NRAP: variants seen among roughly 807,000 people sequenced by gnomAD.
NRAP encodes the protein nebulin related anchoring protein, also known as nebulin-related-anchoring protein.
Under a neutral mutation model 225.9 loss-of-function variants are expected in NRAP, and 189 were observed. The ratio of observed to expected loss-of-function variants is 0.84; its 90% CI spans 0.74 to 0.94. The LOEUF (loss-of-function observed/expected upper bound fraction) is 0.94, where lower values mean the gene tolerates loss of function less well. Ranked by LOEUF, NRAP falls within the 40% of genes least tolerant of loss-of-function variation. NRAP has a pLI of 0.00. For synonymous variants in NRAP, 769 were observed against 790.7 expected (o/e 0.97, Z 0.46); for missense variants, 2,176 against 2,168.7 (o/e 1.00, Z -0.07).
At chr10:113,620,545 A>G (rs1285645345) in intron 25 of NRAP, 59 bp downstream of exon 25, 11 of 1,119,234 alleles carry the variant, frequency 9.8e-6, no homozygotes, top group South Asian at 2.5e-5. Context: ...TTAATTTTAT[A>G]CAGAGACGCC....
At position 113,620,516 on chromosome 10, in the gene NRAP, CT is replaced by C. The variant is rs367921373; in HGVS notation, c.2874+87del. ...CATGTGGCTTTGCCTTTTTCTTTGC[CT>C]TTTGAGTGGAAATTATTTTAATTTT... On this transcript the variant is annotated intron_variant, in intron 25 of 41. Transcript: ENST00000359988. The C allele has an allele frequency of 5.7e-5, 56 of 974,750 alleles. No homozygotes were observed. In the African/African-American group the frequency reaches 8.6e-4, roughly 15 times the overall value. The allele number at this position is 974,750 out of a possible 1,614,324, so 60.4% of individuals were successfully genotyped here.
chr10:113,642,878 C>T (rs1417538955), intron 12 of NRAP, 56 bp downstream of exon 12: 1 of 915,950 alleles, frequency 1.1e-6, no homozygotes, highest in African/African-American at 1.6e-5. Context: ...CTTAGGAGAC[C>T]TAAAGACTAA....
In NRAP at chr10:113,606,210, G is replaced by A. The variant is rs758588324; in HGVS notation, c.3775C>T (p.Arg1259Ter). Residue 1259 changes from arginine to a stop codon, truncating the protein, a stop_gained, in exon 33 of 42, where the codon CGA becomes TGA. Transcript: ENST00000359988. LOFTEE classifies it high-confidence loss of function. ...AGGTTGGCTGCATTCGTTTTTGCTC[G>A]GATGAACTCGGGCAGACCCAGGGTC... Reference protein sequence around the residue: ...TMTLGLPEFIRAKTNAANLSD... With the variant: ...TMTLGLPEFI The A allele has an allele frequency of 6.2e-6, 10 of 1,613,854 alleles. No homozygotes were observed. The highest frequency in any genetic ancestry group is 1.6e-4 in the Middle Eastern group (1 of 6,084).
At chr10:113,628,327 A>G (rs2134017116) in intron 20 of NRAP, among the ~76,000 whole-genome samples, 1 of 152,274 alleles carries the variant, frequency 6.6e-6, no homozygotes, top group South Asian at 2.1e-4. Context: ...AGCTGGGATT[A>G]CAGGCACGTG....
At chr10:113,629,810 G>C in intron 18 of NRAP, 25 bp from the exon 19 acceptor site, 1 of 1,516,412 alleles carries the variant, frequency 6.6e-7, no homozygotes, top group Non-Finnish European at 9.2e-7. Flanking sequence ...AACAAGGCCC[G>C]TTTTGTTAGT....
intron 11 of NRAP, among the ~76,000 whole-genome samples, chr10:113,645,618 T>G (rs1201764301): frequency 6.6e-6 from 1 of 152,174 alleles, no homozygotes; most frequent in Non-Finnish European, 1.5e-5. Flanking sequence ...GGTTTCTCCA[T>G]GTTAGTCAGG....
In NRAP at chr10:113,626,136, G is replaced by T; in HGVS notation, c.2155C>A (p.Arg719=). The change falls in exon 21 of 42, where the codon CGG becomes AGG. Residue 719 remains arginine (R), a synonymous_variant. Transcript: ENST00000359988. ...AGQLVSEKNY[R]QRVDELKFTS... is the part of the protein sequence containing the mutation. Reference sequence around the variant, plus strand: ...AACTTCAGCTCATCGACCCTCTGCCGGTAGTTTTTCTGTTTCCAAAGGAAA... The same window carrying T: ...AACTTCAGCTCATCGACCCTCTGCCTGTAGTTTTTCTGTTTCCAAAGGAAA... The T allele has an allele frequency of 1.2e-6, 2 of 1,604,206 alleles. No homozygotes were observed. The highest frequency in any genetic ancestry group is 1.7e-6 in the Non-Finnish European group (2 of 1,175,384).
intron 25 of NRAP, among the ~76,000 whole-genome samples, chr10:113,618,478 C>T (rs1847796553): frequency 6.6e-6 from 1 of 152,268 alleles, no homozygotes; most frequent in African/African-American, 2.4e-5. Context: ...CACTTACGTG[C>T]TGCCTATGGC....
rs1424987381 is a variant in NRAP at position 113,634,107 on chromosome 10, C to T, written c.1527+5G>A. On this transcript the variant is annotated splice_donor_5th_base_variant and intron_variant, in intron 15 of 41. Coordinates refer to ENST00000359988, the MANE Select transcript of NRAP (RefSeq NM_198060.4). ...ACATCCAGCTGGGCAGGGACAGTTA[C>T]TTACATGACTCAGCTGCTGGGCATT... 3 of 1,606,612 alleles carry T rather than the reference C, an allele frequency of 1.9e-6. No homozygotes were observed. The highest frequency in any genetic ancestry group is 2.6e-6 in the Non-Finnish European group (3 of 1,173,178).
At chr10:113,657,423 T>C (rs1424920454) in intron 4 of NRAP, 47 bp downstream of exon 4, 1 of 927,616 alleles carries the variant, frequency 1.1e-6, no homozygotes, top group Admixed American at 1.7e-5. Context: ...ATTGACATAG[T>C]ATGTCATTCT....
chr10:113,650,437 C>T lies in NRAP; in HGVS notation c.783+1G>A, dbSNP rs759451323. On this transcript the variant is annotated splice_donor_variant, in intron 8 of 41. Coordinates refer to ENST00000359988, the MANE Select transcript of NRAP (RefSeq NM_198060.4). LOFTEE classifies it high-confidence loss of function. ...ATGACCACATTGTCAAGGACACTTA[C>T]ATCACTTGCCAGCTCATTGGCTCTT... 10 of 1,605,210 alleles carry T rather than the reference C, an allele frequency of 6.2e-6. No homozygotes were observed. The African/African-American group carries it at 6.7e-5, about 11-fold the overall frequency.
chr10:113,634,058 C>G, intron 15 of NRAP, 54 bp downstream of exon 15: 1 of 1,222,144 alleles, frequency 8.2e-7, no homozygotes, highest in Non-Finnish European at 1.2e-6. Context: ...CCAGAGGCCT[C>G]AAAGCAGCAA....
intron 18 of NRAP, among the ~76,000 whole-genome samples, chr10:113,630,770 C>T (rs1021058097): frequency 6.6e-5 from 10 of 152,196 alleles, no homozygotes; most frequent in African/African-American, 2.2e-4. Flanking sequence ...ACCCAGATGC[C>T]AACCCTCTTT....
At chr10:113,654,387 G>A (rs1179767021) in intron 4 of NRAP, among the ~76,000 whole-genome samples, 4 of 151,958 alleles carry the variant, frequency 2.6e-5, no homozygotes, top group Non-Finnish European at 5.9e-5. Flanking sequence ...CATCAAGATT[G>A]GGCGAGGAGG....
chr10:113,590,752 G>C lies in NRAP; in HGVS notation c.4782C>G (p.Ala1594=), dbSNP rs1845927025. The change falls in exon 40 of 42, where the codon GCC becomes GCG. Residue 1594 remains alanine, a synonymous_variant. Coordinates refer to ENST00000359988, the MANE Select transcript of NRAP (RefSeq NM_198060.4). ...TGCTGTGAAACTGGGACCGACTCTTGGCAAAGTCCTTCTTGTACTCATTGT... is the reference window on the plus strand; with the variant it reads ...TGCTGTGAAACTGGGACCGACTCTTCGCAAAGTCCTTCTTGTACTCATTGT... ...QSDNEYKKDF[A]KSRSQFHSST... The C allele has an allele frequency of 1.9e-6, 3 of 1,614,208 alleles. No individual in the cohort carries two copies. Among genetic ancestry groups the C allele is most frequent in the Non-Finnish European group, 2.5e-6 (3 of 1,180,026 alleles).
Position 113,604,849 on chromosome 10 carries a change from G to A in NRAP, c.3987C>T (p.Pro1329=), listed in dbSNP as rs181491244. 21 of 1,614,196 alleles carry A rather than the reference G, an allele frequency of 1.3e-5. No individual in the cohort carries two copies. The Admixed American group carries it at 3.3e-4, about 26-fold the overall frequency. ...CCATGCGCCGGCAGTGCTGGATCCG[G>A]GGGTCGTCTCTTACACTCTGGGGCC... ...LIGPQSVRDD[P]RIQHCRRMGQ... The change falls in exon 35 of 42, where the codon CCC becomes CCT. Residue 1329 remains proline, a synonymous_variant. Coordinates refer to ENST00000359988, the MANE Select transcript of NRAP (RefSeq NM_198060.4).
chr10:113,603,433 C>CAA (rs905486653), intron 35 of NRAP, among the ~76,000 whole-genome samples: 17 of 152,150 alleles, frequency 1.1e-4, no homozygotes, highest in African/African-American at 4.1e-4. Flanking sequence ...GAGCTCCCCC[C>CAA]AAGAGAGCAG....
intron 14 of NRAP, 62 bp from the exon 15 acceptor site, chr10:113,634,272 C>T (rs1848737314): frequency 8.3e-7 from 1 of 1,207,712 alleles, no homozygotes; most frequent in African/African-American, 1.5e-5. Context: ...TGCTTAGCTC[C>T]CTCTCCCAAG....
At chr10:113,627,468 T>G (rs564746148) in intron 20 of NRAP, among the ~76,000 whole-genome samples, 8 of 152,322 alleles carry the variant, frequency 5.3e-5, no homozygotes, top group Non-Finnish European at 1.5e-5. Flanking sequence ...AAGGACCAAC[T>G]GGCTGCATTC....
Sources: gnomAD v4.1 joint callset for allele counts (sites outside exome capture counted in the v4.1 genomes callset) on GRCh38, gnomAD v4.1.1 for gene constraint, MANE v1.5 for transcripts, NCBI Gene and HGNC (gene_info 2026-07-23, HGNC 2026-07-21) for gene names.